The following DCP1A variants were observed in gnomAD, a reference collection of about 807,000 sequenced individuals.
DCP1A encodes decapping mRNA 1A.
Under a neutral mutation model 58.0 loss-of-function variants are expected in DCP1A, and 20 were observed. The ratio of observed to expected loss-of-function variants is 0.34; its 90% confidence interval spans 0.24 to 0.50. The LOEUF (loss-of-function observed/expected upper bound fraction) is 0.50, where lower values mean the gene tolerates loss of function less well. DCP1A is among the 20% of genes least tolerant of loss of function. DCP1A has a pLI of 0.98. For synonymous variants in DCP1A, 285 were observed against 275.1 expected, an observed-to-expected ratio of 1.04 and a Z score of -0.36; for missense variants, 613 against 712.2, an observed-to-expected ratio of 0.86 and a Z score of 1.59.
At position 53,330,693 on chromosome 3, in the gene DCP1A, A is replaced by C. The variant is rs538702128; in HGVS notation, c.305-11220T>G. On this transcript the variant is annotated intron_variant, in intron 3 of 9. Coordinates refer to ENST00000610213, the MANE Select transcript of DCP1A (RefSeq NM_018403.7). The stretch of plus-strand genomic sequence containing the variant: ...TATAAGCGCACAGTAGTTTTAATCT[A>C]TATGGTATAGCAGCTGGTAAAGTGC... Among the ~76,000 whole-genome samples the C allele has an allele frequency of 1.3e-3, 191 of 152,158 alleles. 3 individuals carry two copies. Among genetic ancestry groups the C allele is most frequent in the African/African-American group, 4.0e-3 (166 of 41,542 alleles).
rs563394717 is a variant in DCP1A, at chr3:53,291,343, C to A, written c.1384-487G>T. 1.6e-4 allele frequency among the ~76,000 whole-genome samples: 24 copies of A among 152,032 alleles called. No individual in the cohort carries two copies. The South Asian group carries it at 5.0e-3, about 32-fold the overall frequency. ...CCTTTGTGTTACAATCTAATTATACCCTTTTCATTATTTTAAAATATATAC... is the reference window on the plus strand; with the variant it reads ...CCTTTGTGTTACAATCTAATTATACACTTTTCATTATTTTAAAATATATAC... On this transcript the variant is annotated intron_variant, in intron 7 of 9. Coordinates refer to ENST00000610213, the MANE Select transcript of DCP1A (RefSeq NM_018403.7).
intron 3 of DCP1A, among the ~76,000 whole-genome samples, chr3:53,322,224 G>A (rs1467847875): frequency 1.3e-5 from 2 of 152,070 alleles, no homozygotes; most frequent in Non-Finnish European, 2.9e-5. Flanking sequence ...AGGCCAAGGC[G>A]GGTGGATCAC....
At chr3:53,303,052 C>T (rs554715985) in intron 6 of DCP1A, among the ~76,000 whole-genome samples, 7 of 151,990 alleles carry the variant, frequency 4.6e-5, no homozygotes, top group South Asian at 2.1e-4. Context: ...TGAGCTCAAG[C>T]GAGGCTCCTA....
Position 53,292,485 on chromosome 3 carries a change from G to C in DCP1A, c.967C>G (p.Pro323Ala). The C allele has an allele frequency of 6.2e-7, 1 of 1,614,028 alleles. No homozygotes were observed. Among genetic ancestry groups the C allele is most frequent in the Non-Finnish European group, 8.5e-7 (1 of 1,179,906 alleles). The change falls in exon 7 of 10, where the codon CCA becomes GCA. Residue 323 changes from proline (P) to alanine (A), a missense_variant. Physicochemically the swap from Pro to Ala is conservative, Grantham distance 27. Transcript: ENST00000610213. ...PLSPVLSPTLPAEAPTAQVPP... is the reference protein window; with the variant it reads ...PLSPVLSPTLAAEAPTAQVPP... Reference sequence around the variant, plus strand: ...ACCTGTGCAGTAGGAGCTTCAGCTGGCAGAGTGGGACTGAGAACAGGGCTC... The same window carrying C: ...ACCTGTGCAGTAGGAGCTTCAGCTGCCAGAGTGGGACTGAGAACAGGGCTC...
At chr3:53,323,259 C>T (rs1384362784) in intron 3 of DCP1A, among the ~76,000 whole-genome samples, 1 of 152,204 alleles carries the variant, frequency 6.6e-6, no homozygotes, top group Non-Finnish European at 1.5e-5. Flanking sequence ...AACAAATTCA[C>T]TCAGCTTTAA....
intron 4 of DCP1A, among the ~76,000 whole-genome samples, chr3:53,314,721 G>C (rs1177297100): frequency 1.5e-5 from 2 of 136,542 alleles, no homozygotes; most frequent in Non-Finnish European, 3.1e-5. Context: ...ACCCGGGCTA[G>C]AGTGCAGTGG....
chr3:53,338,158 G>A (rs1482953451), intron 3 of DCP1A: 2 of 447,854 alleles, frequency 4.5e-6, no homozygotes, highest in Admixed American at 2.4e-5. Flanking sequence ...GTAAGTTGAG[G>A]ATCAGAAATA....
intron 3 of DCP1A, among the ~76,000 whole-genome samples, chr3:53,327,732 G>A (rs1455316354): frequency 6.6e-6 from 1 of 151,584 alleles, no homozygotes; most frequent in African/African-American, 2.4e-5. Context: ...CAGAGGTTGC[G>A]GTGAGCTGAG....
chr3:53,333,460 T>C (rs1288721652), intron 3 of DCP1A, among the ~76,000 whole-genome samples: 3 of 152,142 alleles, frequency 2.0e-5, no homozygotes, highest in Non-Finnish European at 2.9e-5. Flanking sequence ...GTTTTTTATA[T>C]GTCCATCATA....
intron 3 of DCP1A, among the ~76,000 whole-genome samples, chr3:53,330,204 T>C (rs1427003851): frequency 1.3e-5 from 2 of 152,208 alleles, no homozygotes; most frequent in African/African-American, 4.8e-5. Context: ...TAAACATGCA[T>C]AGCTTTGGGC....
At chr3:53,326,988 C>A (rs1373334484) in intron 3 of DCP1A, among the ~76,000 whole-genome samples, 13 of 148,316 alleles carry the variant, frequency 8.8e-5, no homozygotes, top group Admixed American at 2.7e-4. Flanking sequence ...CCCCCCCCCC[C>A]AACTGGTATT....
intron 6 of DCP1A, among the ~76,000 whole-genome samples, chr3:53,301,751 C>A (rs144084100): frequency 6.6e-6 from 1 of 152,030 alleles, no homozygotes; most frequent in South Asian, 2.1e-4. Context: ...TTAGTACTTG[C>A]GTATCATGTA....
chr3:53,291,217 G>A (rs183799501), intron 7 of DCP1A, among the ~76,000 whole-genome samples: 2 of 111,268 alleles, frequency 1.8e-5, no homozygotes, highest in Admixed American at 8.3e-5. Flanking sequence ...GGGTATATAG[G>A]TGTATGTATT....
intron 8 of DCP1A, among the ~76,000 whole-genome samples, chr3:53,289,251 A>G (rs559382672): frequency 6.6e-6 from 1 of 150,440 alleles, no homozygotes. Flanking sequence ...ATGAGCCACC[A>G]CACCTGGCCT....
At chr3:53,308,565 C>G (rs562630142) in intron 5 of DCP1A, among the ~76,000 whole-genome samples, 1 of 152,298 alleles carries the variant, frequency 6.6e-6, no homozygotes, top group African/African-American at 2.4e-5. Flanking sequence ...ATAGACATAG[C>G]CACAGCGCCT....
Position 53,292,294 on chromosome 3 carries a change from G to A in DCP1A, c.1158C>T (p.Gly386=), listed in dbSNP as rs1553686142. The A allele has an allele frequency of 6.2e-7, 1 of 1,613,886 alleles. No individual in the cohort carries two copies. Among genetic ancestry groups the A allele is most frequent in the South Asian group, 1.1e-5 (1 of 91,082 alleles). Residue 386 remains glycine, a synonymous_variant, in exon 7 of 10, where the codon GGC becomes GGT. Transcript: ENST00000610213. ...GAAGATCAACGCTTGGGAGGGATGT[G>A]CCAGCTGTGTTCGTCACGTTCAATG... The part of the protein sequence containing the change: ...RAPLNVTNTA[G]TSLPSVDLLQ...
chr3:53,331,596 T>C (rs2106876326), intron 3 of DCP1A, among the ~76,000 whole-genome samples: 1 of 137,750 alleles, frequency 7.3e-6, no homozygotes, highest in South Asian at 2.4e-4. Context: ...ATGATGTGCA[T>C]ACAACAAAAC....
intron 3 of DCP1A, among the ~76,000 whole-genome samples, chr3:53,328,123 GA>G (rs1323421997): frequency 2.5e-3 from 360 of 141,622 alleles, no homozygotes; most frequent in African/African-American, 7.4e-3. Context: ...TCCGTCTCAG[GA>G]AAAAAAAAAA....
chr3:53,296,683 C>T (rs1030026014), intron 6 of DCP1A, among the ~76,000 whole-genome samples: 4 of 152,196 alleles, frequency 2.6e-5, no homozygotes, highest in South Asian at 2.1e-4. Flanking sequence ...AAGGTTCATC[C>T]GTGTTCCAAC....
Sources: gnomAD v4.1 joint callset for allele counts (sites outside exome capture counted in the v4.1 genomes callset) on GRCh38, gnomAD v4.1.1 for gene constraint, MANE v1.5 for transcripts, NCBI Gene and HGNC (gene_info 2026-07-23, HGNC 2026-07-21) for gene names.